SRD5A1: variants seen among roughly 807,000 people sequenced by gnomAD.
The protein encoded by SRD5A1 is steroid 5 alpha-reductase 1.
A neutral mutation model predicts 28.2 loss-of-function variants in SRD5A1; 22 were observed. The ratio of observed to expected loss-of-function variants is 0.78; its 90% CI spans 0.56 to 1.12. SRD5A1 has a LOEUF of 1.12. Ranked by LOEUF, SRD5A1 falls within the 50% of genes most tolerant of loss-of-function variation. The probability of loss-of-function intolerance (pLI) is 0.00; values close to 1 mark genes in which losing one functional copy is unlikely to be tolerated. For missense variants in SRD5A1, 300 were observed against 346.7 expected (o/e 0.87, Z 1.07); for synonymous variants, 151 against 135.0 (o/e 1.12, Z -0.82).
intron 3 of SRD5A1, 75 bp downstream of exon 3, chr5:6,656,254 T>A: frequency 8.8e-7 from 1 of 1,141,536 alleles, no homozygotes; most frequent in Non-Finnish European, 1.3e-6. Flanking sequence ...TTGCCAGCTC[T>A]AAGAAGTAGT....
chr5:6,644,464 C>T (rs535583462), intron 1 of SRD5A1, among the ~76,000 whole-genome samples: 27 of 152,138 alleles, frequency 1.8e-4, no homozygotes, highest in Non-Finnish European at 2.6e-4. Context: ...AACTTGAGGC[C>T]GTAACTCTCA....
intron 3 of SRD5A1, among the ~76,000 whole-genome samples, chr5:6,657,043 T>C (rs539637014): frequency 1.2e-4 from 18 of 152,260 alleles, no homozygotes; most frequent in African/African-American, 2.6e-4. Context: ...TAGAAACCAA[T>C]AGAGCTTCAG....
At chr5:6,650,696 G>A (rs1034085528) in intron 1 of SRD5A1, among the ~76,000 whole-genome samples, 1 of 149,970 alleles carries the variant, frequency 6.7e-6, no homozygotes, top group Non-Finnish European at 1.5e-5. Flanking sequence ...CATTGTGCAG[G>A]TTAGTTACAT....
intron 1 of SRD5A1, among the ~76,000 whole-genome samples, chr5:6,649,303 T>C (rs1171194425): frequency 6.6e-6 from 1 of 152,242 alleles, no homozygotes; most frequent in Non-Finnish European, 1.5e-5. Flanking sequence ...CGTTTAAGTC[T>C]GCTGAAGCTG....
In SRD5A1 at chr5:6,668,469, T is replaced by G. The variant is rs1470531170; in HGVS notation, c.*201T>G. The G allele has an allele frequency of 2.4e-6, 1 of 417,934 alleles. No homozygotes were observed. Among genetic ancestry groups the G allele is most frequent in the Non-Finnish European group, 4.4e-6 (1 of 228,934 alleles). 25.9% of individuals were successfully genotyped at this position (417,934 alleles called of 1,614,324 possible). A position where few individuals can be genotyped will look rare whatever the true frequency, so the allele number is the denominator to read the frequency against. On this transcript the variant is annotated 3_prime_UTR_variant, in exon 5 of 5. Coordinates refer to ENST00000274192, the MANE Select transcript of SRD5A1 (RefSeq NM_001047.4). ...CTGAAATGGAGGTTGAATATCCTAC[T>G]GTGTAACAGGTCAGAATTTCAAGCT... is the stretch of plus-strand genomic sequence containing the variant.
intron 1 of SRD5A1, among the ~76,000 whole-genome samples, chr5:6,646,732 A>G (rs886106321): frequency 6.6e-6 from 1 of 151,958 alleles, no homozygotes; most frequent in African/African-American, 2.4e-5. Context: ...ACCAGCTCCT[A>G]GATTCATTGA....
chr5:6,633,806 C>T lies in SRD5A1; in HGVS notation c.230C>T (p.Pro77Leu), dbSNP rs762036171. The change falls in exon 1 of 5, where the codon CCG (proline) becomes CTG (leucine). Residue 77 changes from proline to leucine, a missense_variant. Pro to Leu is a moderately conservative substitution (Grantham distance 98). Around this residue, in one of 2 missense-constraint regions of SRD5A1, gnomAD observed 174 missense variants for 160.9 expected, o/e 1.08. Coordinates refer to ENST00000274192, the MANE Select transcript of SRD5A1 (RefSeq NM_001047.4). The part of the protein sequence containing the change: ...PLYQYASESA[P>L]RLRSAPNCIL... ...TACCAGTACGCCAGCGAGTCCGCCC[C>T]GCGTCTCCGCAGCGCGCCCAACTGC... is the stretch of plus-strand genomic sequence containing the variant. 6.9e-6 allele frequency: 11 copies of T among 1,597,728 alleles called. No individual in the cohort carries two copies. In the Admixed American group the frequency reaches 1.2e-4, roughly 17 times the overall value.
At chr5:6,656,548 ATCT>A (rs1373578413) in intron 3 of SRD5A1, among the ~76,000 whole-genome samples, 3 of 152,182 alleles carry the variant, frequency 2.0e-5, no homozygotes, top group Non-Finnish European at 4.4e-5. Flanking sequence ...TATTTTGAAA[ATCT>A]TCTTAAACGC....
chr5:6,647,624 A>G (rs904384259), intron 1 of SRD5A1, among the ~76,000 whole-genome samples: 1 of 152,158 alleles, frequency 6.6e-6, no homozygotes, highest in Admixed American at 6.5e-5. Context: ...TGCTTGGTAA[A>G]TATTCCTCTA....
chr5:6,656,200 A>C, intron 3 of SRD5A1, 21 bp downstream of exon 3: 1 of 1,587,772 alleles, frequency 6.3e-7, no homozygotes, highest in Non-Finnish European at 8.6e-7. Context: ...AAAGTGAAGA[A>C]TTTCTGTGAA....
chr5:6,666,352 G>A (rs1201317892), intron 4 of SRD5A1, among the ~76,000 whole-genome samples: 1 of 152,132 alleles, frequency 6.6e-6, no homozygotes, highest in East Asian at 1.9e-4. Flanking sequence ...GTTTCACCGT[G>A]TCAGCCAGGA....
chr5:6,633,876 T>TCCCCGGC lies in SRD5A1; in HGVS notation c.293+19_293+25dup, dbSNP rs753994240. 5.9e-5 allele frequency: 94 copies of TCCCCGGC among 1,596,432 alleles called. No homozygotes were observed. Among genetic ancestry groups the TCCCCGGC allele is most frequent in the Admixed American group, 1.5e-4 (9 of 59,892 alleles). On this transcript the variant is annotated splice_region_variant and intron_variant, in intron 1 of 4. Coordinates refer to ENST00000274192, the MANE Select transcript of SRD5A1 (RefSeq NM_001047.4). ...TCGTCCACTACGGGCATCGGTAACG[T>TCCCCGGC]CCCCGGCCCCCGGCCCCCTACCCTA...
Position 6,640,474 on chromosome 5 carries a change from C to G in SRD5A1, c.293+6605C>G, listed in dbSNP as rs550485012. ...CCATTCCTGGTGGCCTCACAGACACCAAGGTTTGCAGTTTTCATGGGTTAT... is the reference window on the plus strand; with the variant it reads ...CCATTCCTGGTGGCCTCACAGACACGAAGGTTTGCAGTTTTCATGGGTTAT... On this transcript the variant is annotated intron_variant, in intron 1 of 4. Coordinates refer to ENST00000274192, the MANE Select transcript of SRD5A1 (RefSeq NM_001047.4). Among the ~76,000 whole-genome samples the G allele has an allele frequency of 2.0e-5, 3 of 152,036 alleles. No homozygotes were observed. In the South Asian group the frequency reaches 6.2e-4, roughly 32 times the overall value.
intron 1 of SRD5A1, among the ~76,000 whole-genome samples, chr5:6,638,065 G>A (rs961537760): frequency 1.3e-5 from 2 of 152,212 alleles, no homozygotes; most frequent in South Asian, 2.1e-4. Flanking sequence ...TAGGCTGGGC[G>A]CAGTGGCTCA....
intron 2 of SRD5A1, chr5:6,653,641 C>T (rs1285936516): frequency 6.6e-6 from 1 of 152,126 alleles, no homozygotes; most frequent in Admixed American, 6.6e-5. Flanking sequence ...CAAGTGGTAA[C>T]AAGGAATAAG....
intron 4 of SRD5A1, among the ~76,000 whole-genome samples, chr5:6,666,179 G>T (rs568487160): frequency 2.0e-5 from 3 of 151,242 alleles, no homozygotes; most frequent in Middle Eastern, 3.4e-3. Flanking sequence ...AGACAGTCTC[G>T]CTCTGTCGCC....
rs1035354060 is a variant in SRD5A1 at position 6,670,558 on chromosome 5, A to G, written c.*2290A>G. ...AGCGGTGCATGCATTTGTGCATTCA[A>G]CAACATTTGCCAAGCACTTACTGTA... On this transcript the variant is annotated 3_prime_UTR_variant, in exon 5 of 5. Transcript: ENST00000274192. 3.3e-5 allele frequency: 5 copies of G among 152,388 alleles called. No homozygotes were observed. The highest frequency in any genetic ancestry group is 9.6e-5 in the African/African-American group (4 of 41,590). The allele number at this position is 152,388 out of a possible 1,614,324, so 9.4% of individuals were successfully genotyped here.
chr5:6,644,041 C>T (rs970459802), intron 1 of SRD5A1, among the ~76,000 whole-genome samples: 3 of 152,098 alleles, frequency 2.0e-5, no homozygotes, highest in East Asian at 1.9e-4. Flanking sequence ...GATCAAGGTT[C>T]GCTGGATGTG....
intron 3 of SRD5A1, among the ~76,000 whole-genome samples, chr5:6,662,319 C>T (rs1167833086): frequency 6.6e-6 from 1 of 152,252 alleles, no homozygotes; most frequent in Non-Finnish European, 1.5e-5. Flanking sequence ...TCTCCTTGTT[C>T]ATGACACTGG....
Sources: gnomAD v4.1 joint callset for allele counts (sites outside exome capture counted in the v4.1 genomes callset) on GRCh38, gnomAD v4.1.1 for gene constraint, gnomAD v4.1.1 regional missense constraint, MANE v1.5 for transcripts, NCBI Gene and HGNC (gene_info 2026-07-23, HGNC 2026-07-21) for gene names.